Variants in ARHGEF18 observed in about 807,000 individuals in gnomAD.
The protein encoded by ARHGEF18 is Rho/Rac guanine nucleotide exchange factor 18, also known as rho guanine nucleotide exchange factor 18.
In ARHGEF18, 93 loss-of-function variants were observed where a neutral mutation model predicts 155.7. That is an observed-to-expected ratio of 0.60 (90% CI 0.50 to 0.71). The LOEUF (loss-of-function observed/expected upper bound fraction) is 0.71. Ranked by LOEUF, ARHGEF18 falls within the 30% of genes least tolerant of loss-of-function variation. ARHGEF18 has a pLI of 0.00. For missense variants in ARHGEF18, 1,593 were observed against 1,816.1 expected, an observed-to-expected ratio of 0.88 and a Z score of 2.23; for synonymous variants, 742 against 753.1, an observed-to-expected ratio of 0.99 and a Z score of 0.24.
At chr19:7,443,453 G>A (rs911370414) in intron 13 of ARHGEF18, among the ~76,000 whole-genome samples, 6 of 151,964 alleles carry the variant, frequency 3.9e-5, no homozygotes, top group African/African-American at 1.2e-4. Flanking sequence ...TGCTCACCTC[G>A]GCCTCCCAGA....
In ARHGEF18 at chr19:7,466,931, G is replaced by A; in HGVS notation, c.2918G>A (p.Gly973Asp). 1 of 1,613,564 alleles carries A rather than the reference G, an allele frequency of 6.2e-7. No homozygotes were observed. Among genetic ancestry groups the A allele is most frequent in the Non-Finnish European group, 8.5e-7 (1 of 1,180,008 alleles). Residue 973 changes from glycine (G) to aspartate (D), a missense_variant, in exon 24 of 29, where the codon GGC becomes GAC. Transcript: ENST00000668164. ...TCCTCTTCCCAGGTGGAGGCGCCAG[G>A]CACGGAATCCGATCCCCGTCTGCCC... ...EESPQVVEAP[G>D]TESDPRLPTV...
intron 1 of ARHGEF18, among the ~76,000 whole-genome samples, chr19:7,355,280 C>T (rs766188138): frequency 2.4e-4 from 36 of 152,092 alleles, no homozygotes; most frequent in Non-Finnish European, 3.8e-4. Flanking sequence ...GACGATGGCA[C>T]GCACACACAC....
At chr19:7,366,971 G>T (rs930902094) in intron 2 of ARHGEF18, among the ~76,000 whole-genome samples, 1 of 151,562 alleles carries the variant, frequency 6.6e-6, no homozygotes, top group African/African-American at 2.4e-5. Flanking sequence ...TATGCTGCCC[G>T]GGCTGGTCTC....
intron 10 of ARHGEF18, among the ~76,000 whole-genome samples, chr19:7,404,736 G>T (rs1972209018): frequency 2.0e-5 from 3 of 152,068 alleles, no homozygotes; most frequent in Non-Finnish European, 4.4e-5. Context: ...GAGTATTTTA[G>T]CATGAGGATA....
chr19:7,406,397 T>A (rs1015785538), intron 10 of ARHGEF18, among the ~76,000 whole-genome samples: 2 of 152,174 alleles, frequency 1.3e-5, no homozygotes, highest in African/African-American at 4.8e-5. Context: ...CAGATTCTTT[T>A]TGAAAAGCTT....
intron 2 of ARHGEF18, among the ~76,000 whole-genome samples, chr19:7,368,693 A>C (rs2145382396): frequency 6.6e-6 from 1 of 152,276 alleles, no homozygotes; most frequent in African/African-American, 2.4e-5. Context: ...TATTTACAGG[A>C]GGATGAAAAC....
chr19:7,453,210 C>A (rs764632655), intron 16 of ARHGEF18, among the ~76,000 whole-genome samples: 2 of 151,808 alleles, frequency 1.3e-5, no homozygotes, highest in South Asian at 2.1e-4. Flanking sequence ...TACCCTCCCC[C>A]CCCCAAAAAA....
Position 7,440,935 on chromosome 19 carries a change from C to A in ARHGEF18, c.1106+453C>A, listed in dbSNP as rs17196636. ...GTTTGTGGTGACTATTCCATGAGTT[C>A]GTGGGAAAGGGAGTAAATTATCATT... is the stretch of plus-strand genomic sequence containing the variant. On this transcript the variant is annotated intron_variant, in intron 11 of 28. Coordinates refer to ENST00000668164, the MANE Select transcript of ARHGEF18 (RefSeq NM_001367823.1). This position sits in a 1 kb window ranked among gnomAD's most constrained non-coding sequence, Gnocchi z 5.4. Among the ~76,000 whole-genome samples, 28,650 of 151,866 alleles carry A rather than the reference C, an allele frequency of 0.19. 3,018 individuals are homozygous for A. Among genetic ancestry groups the A allele is most frequent in the Non-Finnish European group, 0.23 (15,633 of 67,936 alleles).
intron 10 of ARHGEF18, chr19:7,439,654 AAT>A: frequency 1.7e-6 from 2 of 1,160,508 alleles, no homozygotes; most frequent in Admixed American, 4.3e-5. Context: ...TCGATGCTAG[AAT>A]TCTGTTCGAG....
At chr19:7,474,724 A>G (rs542823485), downstream of ARHGEF18, among the ~76,000 whole-genome samples, 1 of 146,202 alleles carries the variant, frequency 6.8e-6, no homozygotes, top group Admixed American at 6.8e-5. Flanking sequence ...AAAACTGGCC[A>G]GTTGCTATTC....
chr19:7,373,923 C>T (rs1178131296), intron 3 of ARHGEF18, among the ~76,000 whole-genome samples: 1 of 150,398 alleles, frequency 6.6e-6, no homozygotes, highest in Non-Finnish European at 1.5e-5. Context: ...CCACACCCGG[C>T]TAATTTTTTG....
chr19:7,396,228 C>G (rs556120306), intron 10 of ARHGEF18, among the ~76,000 whole-genome samples: 1 of 152,326 alleles, frequency 6.6e-6, no homozygotes, highest in Admixed American at 6.5e-5. Flanking sequence ...AGTTTTACCA[C>G]GGAAGCGAAG....
At chr19:7,378,651 G>A (rs1970574885) in intron 6 of ARHGEF18, among the ~76,000 whole-genome samples, 200 bp downstream of exon 6, 1 of 148,040 alleles carries the variant, frequency 6.8e-6, no homozygotes, top group Non-Finnish European at 1.5e-5. Context: ...CCCTCAGAAA[G>A]GTTCTCAATG....
In ARHGEF18 at chr19:7,464,676, G is replaced by T; in HGVS notation, c.2890G>T (p.Glu964Ter). ...CAGTGACATTCCTGGGAGCTCTGAG[G>T]AATCGCCGCAGGTGGTACGTGGATA... ...SDSDIPGSSE[E>*]SPQVVEAPGT... The change falls in exon 23 of 29, where the codon GAA becomes TAA. Residue 964 changes from glutamate to a stop codon, truncating the protein, a stop_gained. Transcript: ENST00000668164. LOFTEE classifies it high-confidence loss of function. The T allele has an allele frequency of 6.2e-7, 1 of 1,614,008 alleles. No homozygotes were observed. The highest frequency in any genetic ancestry group is 1.1e-5 in the South Asian group (1 of 91,080).
intron 10 of ARHGEF18, 131 bp downstream of exon 10, chr19:7,383,334 T>G: frequency 9.5e-7 from 1 of 1,051,452 alleles, no homozygotes; most frequent in Non-Finnish European, 1.2e-6. Flanking sequence ...CCTCGGCGGC[T>G]CCCTGGAGAG....
chr19:7,466,839 G>GGAAGAAA, intron 23 of ARHGEF18, 79 bp from the exon 24 acceptor site: 1 of 623,184 alleles, frequency 1.6e-6, no homozygotes, highest in Non-Finnish European at 2.5e-6. Flanking sequence ...TAAAAAAAAA[G>GGAAGAAA]AAGAAGAAGA....
chr19:7,457,869 C>T (rs1326605098), intron 18 of ARHGEF18, among the ~76,000 whole-genome samples: 1 of 152,020 alleles, frequency 6.6e-6, no homozygotes, highest in Non-Finnish European at 1.5e-5. Flanking sequence ...GCCTGAGGCA[C>T]AAGACAGAGA....
In ARHGEF18 at chr19:7,395,168, G is replaced by C. The variant is rs3810215; in HGVS notation, c.967+11965G>C. The C allele has an allele frequency of 1.2e-5, 12 of 985,900 alleles. No individual in the cohort carries two copies. Among genetic ancestry groups the C allele is most frequent in the Non-Finnish European group, 1.4e-5 (12 of 830,394 alleles). 61.1% of individuals were successfully genotyped at this position (985,900 alleles called of 1,614,324 possible). A position where few individuals can be genotyped will look rare whatever the true frequency, so the allele number is the denominator to read the frequency against. ...CTGCTAGCTACTGTGGATCTGGGGG[G>C]GCCGGACGGAGGCATCGGAGGCGGC... On this transcript the variant is annotated intron_variant, in intron 10 of 28. Coordinates refer to ENST00000668164, the MANE Select transcript of ARHGEF18 (RefSeq NM_001367823.1). The surrounding 1 kb of genome is among the most constrained non-coding windows in gnomAD (Gnocchi z 5.0).
chr19:7,374,356 A>G (rs777367279), intron 3 of ARHGEF18, among the ~76,000 whole-genome samples: 1 of 152,064 alleles, frequency 6.6e-6, no homozygotes, highest in Non-Finnish European at 1.5e-5. Flanking sequence ...CAAGTGACCG[A>G]GCATGCATGC....
Sources: allele counts gnomAD v4.1 joint callset (sites outside exome capture counted in the v4.1 genomes callset), GRCh38; gene constraint gnomAD v4.1.1; non-coding constraint Gnocchi (gnomAD v3.1); transcripts MANE v1.5; gene names NCBI Gene and HGNC (gene_info 2026-07-23, HGNC 2026-07-21).